TMEM132D: variants seen among roughly 807,000 people sequenced by gnomAD.
TMEM132D encodes mature OL transmembrane protein.
Under a neutral mutation model 62.3 loss-of-function variants are expected in TMEM132D, and 21 were observed. The observed-to-expected ratio is 0.34, with a 90% CI of 0.24 to 0.49. The LOEUF is 0.49. Ranked by LOEUF, TMEM132D falls within the 20% of genes least tolerant of loss-of-function variation. TMEM132D has a pLI of 0.99. For synonymous variants in TMEM132D, 621 were observed against 575.6 expected (o/e 1.08, Z -1.13); for missense variants, 1,346 against 1,402.8 (o/e 0.96, Z 0.65).
chr12:129,672,907 C>T (rs1179839819), intron 2 of TMEM132D, among the ~76,000 whole-genome samples: 2 of 152,052 alleles, frequency 1.3e-5, no homozygotes, highest in Non-Finnish European at 2.9e-5. Context: ...ACCACCACGC[C>T]CAGCTAATTT....
At chr12:129,178,746 C>T (rs1290832425) in intron 5 of TMEM132D, among the ~76,000 whole-genome samples, 1 of 152,060 alleles carries the variant, frequency 6.6e-6, no homozygotes, top group East Asian at 1.9e-4. Flanking sequence ...AAAAATGGCC[C>T]CAAATTCCTC....
chr12:129,613,376 CTGCTCCATCCTCA>C (rs1878828376), intron 2 of TMEM132D, among the ~76,000 whole-genome samples: 1 of 152,216 alleles, frequency 6.6e-6, no homozygotes, highest in Non-Finnish European at 1.5e-5. Context: ...TCTCCTGGAT[CTGCTCCATCCTCA>C]TGCAAACAGA....
chr12:129,569,765 T>C lies in TMEM132D; in HGVS notation c.969-38560A>G, dbSNP rs1461295682. ...AATTCTACCCAGCTCTACTGTGAGA[T>C]GACTGGCTGCTGAGAACTGAAATCT... On this transcript the variant is annotated intron_variant, in intron 2 of 8. Transcript: ENST00000422113. 2.6e-5 allele frequency among the ~76,000 whole-genome samples: 4 copies of C among 152,154 alleles called. No individual in the cohort carries two copies. In the South Asian group the frequency reaches 8.3e-4, roughly 32 times the overall value.
At chr12:129,880,070 C>T (rs1874544268) in intron 1 of TMEM132D, among the ~76,000 whole-genome samples, 2 of 151,906 alleles carry the variant, frequency 1.3e-5, no homozygotes, top group Admixed American at 1.3e-4. Context: ...CTTGACACAT[C>T]ATGTTTAAAC....
chr12:129,397,548 T>C (rs1371446918), intron 3 of TMEM132D, among the ~76,000 whole-genome samples: 6 of 152,120 alleles, frequency 3.9e-5, no homozygotes, highest in Non-Finnish European at 4.4e-5. Context: ...ATTAAGCCCA[T>C]CTTTGGATGG....
intron 2 of TMEM132D, among the ~76,000 whole-genome samples, chr12:129,604,421 T>C (rs1878562042): frequency 6.6e-6 from 1 of 152,222 alleles, no homozygotes; most frequent in Admixed American, 6.5e-5. Context: ...GCTTCCAAGT[T>C]TGGGCATTTA....
chr12:129,097,215 C>T (rs532178873), intron 5 of TMEM132D, among the ~76,000 whole-genome samples: 2 of 152,354 alleles, frequency 1.3e-5, no homozygotes, highest in East Asian at 1.9e-4. Flanking sequence ...TAGCATCCCT[C>T]TCTCCAGCGG....
intron 4 of TMEM132D, among the ~76,000 whole-genome samples, chr12:129,287,294 A>C (rs2135615934): frequency 6.6e-6 from 1 of 152,352 alleles, no homozygotes; most frequent in South Asian, 2.1e-4. Context: ...AATATCCATG[A>C]GTTCAGAGCT....
chr12:129,091,521 T>TGCTCACC (rs1297571750), intron 5 of TMEM132D, among the ~76,000 whole-genome samples: 1 of 148,498 alleles, frequency 6.7e-6, no homozygotes, highest in Admixed American at 6.7e-5. Flanking sequence ...ACCTTACCTA[T>TGCTCACC]GCTCACCTGG....
At chr12:129,222,362 G>C (rs1879370751) in intron 4 of TMEM132D, among the ~76,000 whole-genome samples, 1 of 152,142 alleles carries the variant, frequency 6.6e-6, no homozygotes, top group Non-Finnish European at 1.5e-5. Context: ...ACAATGAAAT[G>C]CCATAGCACG....
chr12:129,769,217 G>C (rs749023766), intron 1 of TMEM132D, among the ~76,000 whole-genome samples: 2 of 152,172 alleles, frequency 1.3e-5, no homozygotes, highest in African/African-American at 2.4e-5. Context: ...AGACATACCT[G>C]AGACTGGCTA....
At chr12:129,895,951 TTC>T (rs1468582890) in intron 1 of TMEM132D, among the ~76,000 whole-genome samples, 4 of 97,538 alleles carry the variant, frequency 4.1e-5, no homozygotes, top group Non-Finnish European at 1.0e-4. Context: ...GGAATTTGAT[TTC>T]TCTGTCTCTC....
At chr12:129,733,561 T>C (rs1311315353) in intron 1 of TMEM132D, among the ~76,000 whole-genome samples, 2 of 152,148 alleles carry the variant, frequency 1.3e-5, no homozygotes, top group Non-Finnish European at 2.9e-5. Flanking sequence ...ATGAGTCTAA[T>C]AGATTTTGTT....
chr12:129,432,591 G>A (rs755529104), intron 3 of TMEM132D, among the ~76,000 whole-genome samples: 75 of 152,344 alleles, frequency 4.9e-4, no homozygotes, highest in Non-Finnish European at 8.5e-4. Context: ...TCTGTAGTGT[G>A]AGACATCTTT....
At chr12:129,116,637 A>T (rs1187043091) in intron 5 of TMEM132D, among the ~76,000 whole-genome samples, 1 of 152,196 alleles carries the variant, frequency 6.6e-6, no homozygotes. Flanking sequence ...ATATGGAAAG[A>T]TGCTCAATGT....
At chr12:129,367,060 A>C (rs1283928396) in intron 3 of TMEM132D, among the ~76,000 whole-genome samples, 16 of 152,194 alleles carry the variant, frequency 1.1e-4, no homozygotes, top group Admixed American at 1.0e-3. Flanking sequence ...CTGAAAACCA[A>C]CTGCATGGAG....
chr12:129,801,228 C>T (rs1244870766), intron 1 of TMEM132D, among the ~76,000 whole-genome samples: 1 of 152,166 alleles, frequency 6.6e-6, no homozygotes, highest in East Asian at 1.9e-4. Context: ...TCAAGGAGGC[C>T]TGCCTGCCTG....
intron 2 of TMEM132D, among the ~76,000 whole-genome samples, chr12:129,633,245 C>G (rs540219462): frequency 6.6e-6 from 1 of 152,318 alleles, no homozygotes; most frequent in East Asian, 1.9e-4. Context: ...AATTATAGAT[C>G]AACCACCTAT....
At chr12:129,483,319 G>A (rs1050018246) in intron 3 of TMEM132D, among the ~76,000 whole-genome samples, 3 of 152,102 alleles carry the variant, frequency 2.0e-5, no homozygotes, top group African/African-American at 7.2e-5. Flanking sequence ...AAGTACAGAC[G>A]CTTGGGCCCC....
Sources: gnomAD v4.1 joint callset for allele counts (sites outside exome capture counted in the v4.1 genomes callset) on GRCh38, gnomAD v4.1.1 for gene constraint, MANE v1.5 for transcripts, NCBI Gene and HGNC (gene_info 2026-07-23, HGNC 2026-07-21) for gene names.